Variants in RAN observed in about 807,000 individuals in gnomAD.
RAN encodes RAN, member RAS oncogene family, also known as GTP-binding nuclear protein Ran.
RAN carries 2 observed loss-of-function variants against 26.8 expected under a neutral mutation model. That is an observed-to-expected ratio of 0.07 (90% confidence interval 0.03 to 0.23). The LOEUF (loss-of-function observed/expected upper bound fraction) is 0.23. Among genes scored for constraint, RAN ranks in the 10% least tolerant of loss-of-function variants. The pLI is 1.00. For missense variants in RAN, 56 were observed against 264.8 expected (o/e 0.21, Z 5.47); for synonymous variants, 132 against 95.9 (o/e 1.38, Z -2.20).
intron 4 of RAN, chr12:130,874,115 C>G (rs1480668068): frequency 7.6e-6 from 2 of 264,466 alleles, no homozygotes; most frequent in Admixed American, 8.9e-5. Flanking sequence ...TCTCAAAGTG[C>G]TGGGATTACA....
intron 5 of RAN, 133 bp downstream of exon 5, chr12:130,874,866 A>G (rs1953209054): frequency 5.1e-6 from 4 of 782,028 alleles, no homozygotes; most frequent in South Asian, 2.1e-5. Flanking sequence ...TCTGTCCCCC[A>G]TGCTGGAGTG....
chr12:130,876,429 A>G lies in RAN; in HGVS notation c.*503A>G, dbSNP rs184866898. On this transcript the variant is annotated 3_prime_UTR_variant, in exon 7 of 7. Coordinates refer to ENST00000543796, the MANE Select transcript of RAN (RefSeq NM_006325.5). Reference sequence around the variant, plus strand: ...AATTTCTCCCTATGTTTATTTTTGTACATTTGAGCCATGTCACACAAACTG... The same window carrying G: ...AATTTCTCCCTATGTTTATTTTTGTGCATTTGAGCCATGTCACACAAACTG... 1 of 164,550 alleles carries G rather than the reference A, an allele frequency of 6.1e-6. No individual in the cohort carries two copies. Among genetic ancestry groups the G allele is most frequent in the African/African-American group, 2.4e-5 (1 of 41,650 alleles). 10.2% of individuals were successfully genotyped at this position (164,550 alleles called of 1,614,324 possible).
rs188117949 is a variant in RAN, at chr12:130,876,931, C to A, written c.*1005C>A. The stretch of plus-strand genomic sequence containing the variant: ...TACACCGTTTTTTTGTTTTTTTTTC[C>A]CCCCCGGGAGGGTTTTTTTGTAGGG... On this transcript the variant is annotated 3_prime_UTR_variant, in exon 7 of 7. Coordinates refer to ENST00000543796, the MANE Select transcript of RAN (RefSeq NM_006325.5). 6.6e-6 allele frequency: 1 copy of A among 151,726 alleles called. No homozygotes were observed. Among genetic ancestry groups the A allele is most frequent in the Non-Finnish European group, 1.5e-5 (1 of 67,958 alleles). The allele number at this position is 151,726 out of a possible 1,614,324, so 9.4% of individuals were successfully genotyped here. A position where few individuals can be genotyped will look rare whatever the true frequency, so the allele number is the denominator to read the frequency against.
chr12:130,875,545 A>G (rs961002265), intron 5 of RAN, 67 bp from the exon 6 acceptor site: 26 of 1,361,126 alleles, frequency 1.9e-5, no homozygotes, highest in African/African-American at 3.0e-5. Context: ...TTATCTTGCA[A>G]TGTCCTAGAA....
chr12:130,872,651 G>A, intron 2 of RAN, 22 bp downstream of exon 2: 1 of 1,520,828 alleles, frequency 6.6e-7, no homozygotes, highest in Non-Finnish European at 8.8e-7. Flanking sequence ...TGCGGGGCGG[G>A]AGGCGGCCGA....
In RAN at chr12:130,875,911, G is replaced by A; in HGVS notation, c.636G>A (p.Glu212=). The change falls in exon 7 of 7, where the codon GAG becomes GAA. Residue 212 remains glutamate (E), a synonymous_variant. Transcript: ENST00000543796. ...EVAQTTALPD[E]DDDL Reference sequence around the variant, plus strand: ...CTCAGACAACTGCTCTCCCGGATGAGGATGATGACCTGTGAGAATGAAGCT... The same window carrying A: ...CTCAGACAACTGCTCTCCCGGATGAAGATGATGACCTGTGAGAATGAAGCT... 3.7e-6 allele frequency: 6 copies of A among 1,614,148 alleles called. No individual in the cohort carries two copies. The South Asian group carries it at 5.5e-5, about 15-fold the overall frequency.
rs1263006363 is a variant in RAN at position 130,873,227 on chromosome 12, T to A, written c.247+99T>A. On this transcript the variant is annotated intron_variant, in intron 4 of 6. Transcript: ENST00000543796. ...AGGTCTGTTCCAACAAATAGTGTCA[T>A]TTTTGGGTTAAAAAAAGACAAGTGG... is the stretch of plus-strand genomic sequence containing the variant. 4.0e-6 allele frequency: 6 copies of A among 1,494,130 alleles called. No homozygotes were observed. The African/African-American group carries it at 4.2e-5, about 10-fold the overall frequency. The allele number at this position is 1,494,130 out of a possible 1,614,324, so 92.6% of individuals were successfully genotyped here.
At chr12:130,873,226 A>G (rs1028139163) in intron 4 of RAN, 98 bp downstream of exon 4, 2 of 1,494,628 alleles carry the variant, frequency 1.3e-6, no homozygotes, top group Non-Finnish European at 1.8e-6. Flanking sequence ...AAATAGTGTC[A>G]TTTTTGGGTT....
In RAN at chr12:130,876,223, C is replaced by T. The variant is rs1473172075; in HGVS notation, c.*297C>T. Reference sequence around the variant, plus strand: ...TTCAGTGGTGAAATCTTGTTTGTTACTGTCATTCCCATTCCTTTTCGTTTA... The same window carrying T: ...TTCAGTGGTGAAATCTTGTTTGTTATTGTCATTCCCATTCCTTTTCGTTTA... On this transcript the variant is annotated 3_prime_UTR_variant, in exon 7 of 7. Transcript: ENST00000543796. 1 of 391,262 alleles carries T rather than the reference C, an allele frequency of 2.6e-6. No individual in the cohort carries two copies. The highest frequency in any genetic ancestry group is 4.6e-6 in the Non-Finnish European group (1 of 216,754). 24.2% of individuals were successfully genotyped at this position (391,262 alleles called of 1,614,324 possible). A position where few individuals can be genotyped will look rare whatever the true frequency, so the allele number is the denominator to read the frequency against.
Position 130,877,132 on chromosome 12 carries a change from TAGG to T in RAN, c.*1209_*1211del, listed in dbSNP as rs140698627. The T allele has an allele frequency of 1.4e-3, 214 of 152,144 alleles. 1 individual carries two copies. The highest frequency in any genetic ancestry group is 4.8e-3 in the African/African-American group (200 of 41,496). 9.4% of individuals were successfully genotyped at this position (152,144 alleles called of 1,614,324 possible). ...AATGAATTAGGTCTATTAGGATAAT[TAGG>T]AGTTTGATCCCATCAACACTATTCT... is the stretch of plus-strand genomic sequence containing the variant. On this transcript the variant is annotated 3_prime_UTR_variant, in exon 7 of 7. Coordinates refer to ENST00000543796, the MANE Select transcript of RAN (RefSeq NM_006325.5).
rs530404359 is a variant in RAN, at chr12:130,875,942, C to T, written c.*16C>T. 138 of 1,613,460 alleles carry T rather than the reference C, an allele frequency of 8.6e-5. No individual in the cohort carries two copies. The highest frequency in any genetic ancestry group is 1.1e-4 in the Non-Finnish European group (133 of 1,179,644). On this transcript the variant is annotated 3_prime_UTR_variant, in exon 7 of 7. Coordinates refer to ENST00000543796, the MANE Select transcript of RAN (RefSeq NM_006325.5). Reference sequence around the variant, plus strand: ...TGACCTGTGAGAATGAAGCTGGAGCCCAGCGTCAGAAGTCTAGTTTTATAG... The same window carrying T: ...TGACCTGTGAGAATGAAGCTGGAGCTCAGCGTCAGAAGTCTAGTTTTATAG...
intron 3 of RAN, 40 bp from the exon 4 acceptor site, chr12:130,872,963 G>C: frequency 6.2e-7 from 1 of 1,614,182 alleles, no homozygotes; most frequent in South Asian, 1.1e-5. Flanking sequence ...TGTGAGAAAT[G>C]GGTAAGTTCA....
At chr12:130,873,156 T>A (rs558978416) in intron 4 of RAN, 28 bp downstream of exon 4, 3 of 1,613,786 alleles carry the variant, frequency 1.9e-6, no homozygotes, top group African/African-American at 1.3e-5. Flanking sequence ...GCTGAACGGT[T>A]TTTGAGAGGT....
rs142015687 is a variant in RAN at position 130,877,473 on chromosome 12, A to G, written c.*1547A>G. On this transcript the variant is annotated 3_prime_UTR_variant, in exon 7 of 7. Transcript: ENST00000543796. ...CCCCATAATTGGGATGAAACCTTTC[A>G]TTCAGGTATTTTGAATTGAAGGTGT... 3 of 152,204 alleles carry G rather than the reference A, an allele frequency of 2.0e-5. No individual in the cohort carries two copies. Among genetic ancestry groups the G allele is most frequent in the African/African-American group, 7.2e-5 (3 of 41,440 alleles). 9.4% of individuals were successfully genotyped at this position (152,204 alleles called of 1,614,324 possible).
intron 5 of RAN, 26 bp from the exon 6 acceptor site, chr12:130,875,586 A>G: frequency 6.6e-7 from 1 of 1,523,482 alleles, no homozygotes; most frequent in Non-Finnish European, 8.8e-7. Flanking sequence ...AATTTTAAAA[A>G]GTAATTTTAC....
At position 130,876,713 on chromosome 12, in the gene RAN, A is replaced by G. The variant is rs572156068; in HGVS notation, c.*787A>G. On this transcript the variant is annotated 3_prime_UTR_variant, in exon 7 of 7. Coordinates refer to ENST00000543796, the MANE Select transcript of RAN (RefSeq NM_006325.5). ...TGTAGAACCTCAAACAGGATGGAACATCAGTGGATGGCAGGAGGTTGGGAA... is the reference window on the plus strand; with the variant it reads ...TGTAGAACCTCAAACAGGATGGAACGTCAGTGGATGGCAGGAGGTTGGGAA... 3.3e-5 allele frequency: 5 copies of G among 152,382 alleles called. No homozygotes were observed. The highest frequency in any genetic ancestry group is 3.9e-4 in the East Asian group (2 of 5,190). The allele number at this position is 152,382 out of a possible 1,614,324, so 9.4% of individuals were successfully genotyped here. A position where few individuals can be genotyped will look rare whatever the true frequency, so the allele number is the denominator to read the frequency against.
chr12:130,875,557 A>G (rs1471052032), intron 5 of RAN, 55 bp from the exon 6 acceptor site: 1 of 1,434,200 alleles, frequency 7.0e-7, no homozygotes, highest in Non-Finnish European at 9.4e-7. Context: ...GTCCTAGAAA[A>G]ATCGTCATCT....
At chr12:130,875,144 TTTATACTACTG>T (rs1953215498) in intron 5 of RAN, among the ~76,000 whole-genome samples, 1 of 152,078 alleles carries the variant, frequency 6.6e-6, no homozygotes, top group Non-Finnish European at 1.5e-5. Flanking sequence ...TTTTGTCTTT[TTTATACTACTG>T]TTTTTAAAGA....
chr12:130,874,429 T>C, intron 4 of RAN, 117 bp from the exon 5 acceptor site: 1 of 717,954 alleles, frequency 1.4e-6, no homozygotes, highest in Non-Finnish European at 2.2e-6. Flanking sequence ...AGGGGAGAGA[T>C]ACAGGTGACT....
Sources: allele counts gnomAD v4.1 joint callset (sites outside exome capture counted in the v4.1 genomes callset), GRCh38; gene constraint gnomAD v4.1.1; transcripts MANE v1.5; gene names NCBI Gene and HGNC (gene_info 2026-07-23, HGNC 2026-07-21).